PCGF3: variants seen among roughly 807,000 people sequenced by gnomAD.
PCGF3 encodes the protein polycomb group ring finger 3.
In PCGF3, 7 loss-of-function variants were observed where a neutral mutation model predicts 33.1. That is an observed-to-expected ratio of 0.21 (90% CI 0.12 to 0.40). The LOEUF is 0.40. Among genes scored for constraint, PCGF3 ranks in the 10% least tolerant of loss-of-function variants. The pLI is 1.00. For synonymous variants in PCGF3, 153 were observed against 121.3 expected, an observed-to-expected ratio of 1.26 and a Z score of -1.72; for missense variants, 211 against 313.3, an observed-to-expected ratio of 0.67 and a Z score of 2.46.
At chr4:706,713 A>T in intron 1 of PCGF3, among the ~76,000 whole-genome samples, 1 of 126,164 alleles carries the variant, frequency 7.9e-6, no homozygotes, top group Non-Finnish European at 1.7e-5. Context: ...ACCAGGCAGG[A>T]CCCTGGGAAG....
At chr4:750,404 T>C (rs559439893) in intron 8 of PCGF3, among the ~76,000 whole-genome samples, 14 of 152,042 alleles carry the variant, frequency 9.2e-5, no homozygotes, top group Non-Finnish European at 1.8e-4. Context: ...TTTCCAGGGG[T>C]CCTGGGGTGA....
intron 8 of PCGF3, among the ~76,000 whole-genome samples, chr4:756,104 G>T (rs940446200): frequency 6.6e-6 from 1 of 151,590 alleles, no homozygotes; most frequent in Non-Finnish European, 1.5e-5. Flanking sequence ...TAGTAGAGAC[G>T]GGGTTTCTCC....
At chr4:741,675 G>A (rs779128570) in intron 6 of PCGF3, among the ~76,000 whole-genome samples, 27 of 152,176 alleles carry the variant, frequency 1.8e-4, no homozygotes, top group Non-Finnish European at 1.5e-4. Context: ...CCACAGTGCT[G>A]GGATGACAGG....
chr4:721,563 T>C lies in PCGF3; in HGVS notation c.-189-9067T>C, dbSNP rs1400402569. Among the ~76,000 whole-genome samples, 1 of 151,896 alleles carries C rather than the reference T, an allele frequency of 6.6e-6. No homozygotes were observed. Among genetic ancestry groups the C allele is most frequent in the African/African-American group, 2.4e-5 (1 of 41,364 alleles). ...CGGGCGAGGCGAGGGCAGAGTGCAC[T>C]CGCTGGGGGTCACCCTGCCCCCCAG... On this transcript the variant is annotated intron_variant, in intron 1 of 10. Transcript: ENST00000362003. This position sits in a 1 kb window ranked among gnomAD's most constrained non-coding sequence, Gnocchi z 4.1.
intron 1 of PCGF3, among the ~76,000 whole-genome samples, chr4:719,407 C>A (rs1204476481): frequency 6.6e-6 from 1 of 152,222 alleles, no homozygotes; most frequent in African/African-American, 2.4e-5. Context: ...GATGAGAACC[C>A]TCGGTGCCTG....
chr4:707,790 T>C (rs13120395), intron 1 of PCGF3, among the ~76,000 whole-genome samples: 1,955 of 44,752 alleles, frequency 0.044, 13 homozygotes, highest in African/African-American at 0.074. Context: ...CTGGGACAGC[T>C]CTGTTTTCCC....
rs1242447566 is a variant in PCGF3, at chr4:731,079, C to G, written c.-41C>G. 3 of 398,626 alleles carry G rather than the reference C, an allele frequency of 7.5e-6. No individual in the cohort carries two copies. The Admixed American group carries it at 1.3e-4, about 18-fold the overall frequency. 24.7% of individuals were successfully genotyped at this position (398,626 alleles called of 1,614,324 possible). A position where few individuals can be genotyped will look rare whatever the true frequency, so the allele number is the denominator to read the frequency against. On this transcript the variant is annotated 5_prime_UTR_variant, in exon 3 of 11. Transcript: ENST00000362003. ...CTGGCCTGAAGCCTCCATGCCCCGGCAGAGGGACGGACACGCGGACGTCTA... is the reference window on the plus strand; with the variant it reads ...CTGGCCTGAAGCCTCCATGCCCCGGGAGAGGGACGGACACGCGGACGTCTA...
chr4:716,552 G>A (rs530993354), intron 1 of PCGF3, among the ~76,000 whole-genome samples: 1,488 of 116,702 alleles, frequency 0.013, 24 homozygotes, highest in Non-Finnish European at 0.021. Context: ...TGTGGACACT[G>A]CGAGTGTGAG....
At chr4:752,256 G>A (rs925003163) in intron 8 of PCGF3, among the ~76,000 whole-genome samples, 4 of 151,874 alleles carry the variant, frequency 2.6e-5, no homozygotes, top group African/African-American at 4.8e-5. Context: ...TCTGCCTCCC[G>A]CAGTCCCTGC....
chr4:747,735 C>G (rs1264018185), intron 8 of PCGF3, among the ~76,000 whole-genome samples: 1 of 152,114 alleles, frequency 6.6e-6, no homozygotes, highest in African/African-American at 2.4e-5. Flanking sequence ...CTCCGGGACA[C>G]TCCTGTATTA....
At chr4:706,800 C>A (rs1407596663) in intron 1 of PCGF3, among the ~76,000 whole-genome samples, 1 of 136,178 alleles carries the variant, frequency 7.3e-6, no homozygotes, top group Non-Finnish European at 1.6e-5. Context: ...AGGGCGAAGA[C>A]CCCAGCCCAG....
intron 8 of PCGF3, among the ~76,000 whole-genome samples, chr4:750,268 G>A (rs1038196108): frequency 2.6e-5 from 4 of 152,234 alleles, no homozygotes; most frequent in Non-Finnish European, 4.4e-5. Flanking sequence ...TTTGAGTAAC[G>A]TGGCCTTTTT....
chr4:737,163 C>A (rs1230052888), intron 5 of PCGF3, among the ~76,000 whole-genome samples: 1 of 151,840 alleles, frequency 6.6e-6, no homozygotes, highest in African/African-American at 2.4e-5. Context: ...GGGACGGTGT[C>A]CCCTGAGCGC....
At chr4:751,809 C>A (rs1200594008) in intron 8 of PCGF3, among the ~76,000 whole-genome samples, 1 of 152,020 alleles carries the variant, frequency 6.6e-6, no homozygotes, top group Non-Finnish European at 1.5e-5. Flanking sequence ...CAACTCAGAG[C>A]AGCCGAGGCT....
intron 1 of PCGF3, chr4:722,429 G>A: frequency 3.9e-6 from 1 of 254,954 alleles, no homozygotes; most frequent in Non-Finnish European, 7.7e-6. Flanking sequence ...TGTTTTGGGG[G>A]TGTCTGAGCT....
At chr4:749,155 A>G (rs1215411563) in intron 8 of PCGF3, among the ~76,000 whole-genome samples, 2 of 152,220 alleles carry the variant, frequency 1.3e-5, no homozygotes, top group Non-Finnish European at 1.5e-5. Context: ...AATTGATCAA[A>G]TATTGAATTT....
intron 8 of PCGF3, 81 bp from the exon 9 acceptor site, chr4:761,198 A>T: frequency 1.7e-6 from 2 of 1,195,798 alleles, no homozygotes; most frequent in Non-Finnish European, 2.3e-6. Flanking sequence ...TTGAGGAATT[A>T]GTGAAATATG....
At chr4:725,858 G>A (rs1460376483) in intron 1 of PCGF3, among the ~76,000 whole-genome samples, 3 of 152,274 alleles carry the variant, frequency 2.0e-5, no homozygotes, top group East Asian at 3.9e-4. Context: ...AGATGATGAC[G>A]GAGCCTCCTG....
chr4:719,437 G>A (rs979674163), intron 1 of PCGF3, among the ~76,000 whole-genome samples: 7 of 152,228 alleles, frequency 4.6e-5, no homozygotes, highest in East Asian at 3.8e-4. Context: ...CTCACCAGGC[G>A]CAGCTCAGGA....
Sources: gnomAD v4.1 joint callset for allele counts (sites outside exome capture counted in the v4.1 genomes callset) on GRCh38, gnomAD v4.1.1 for gene constraint, Gnocchi (gnomAD v3.1) non-coding constraint, MANE v1.5 for transcripts, NCBI Gene and HGNC (gene_info 2026-07-23, HGNC 2026-07-21) for gene names.